CNPY1: variants seen among roughly 807,000 people sequenced by gnomAD.
The protein encoded by CNPY1 is canopy FGF signaling regulator 1.
CNPY1 carries 14 observed loss-of-function variants against 14.4 expected under a neutral mutation model. The ratio of observed to expected loss-of-function variants is 0.97; its 90% CI spans 0.64 to 1.52. CNPY1 has a LOEUF of 1.52. Among genes scored for constraint, CNPY1 ranks in the 40% most tolerant of loss-of-function variants. The pLI is 0.00. For synonymous variants in CNPY1, 43 were observed against 46.5 expected (o/e 0.92, Z 0.31); for missense variants, 129 against 131.5 (o/e 0.98, Z 0.09).
chr7:155,527,050 CTTTCTTTT>C (rs1796833630), intron 2 of CNPY1, among the ~76,000 whole-genome samples: 1 of 67,492 alleles, frequency 1.5e-5, no homozygotes, highest in Non-Finnish European at 2.9e-5. Context: ...TTCTTTCTTT[CTTTCTTTT>C]TTTTTTTTTT....
intron 2 of CNPY1, among the ~76,000 whole-genome samples, chr7:155,527,109 T>C (rs1389051465): frequency 7.0e-6 from 1 of 142,848 alleles, no homozygotes; most frequent in Admixed American, 7.3e-5. Context: ...TGGAGGGCAT[T>C]GGCATGATTT....
intron 2 of CNPY1, among the ~76,000 whole-genome samples, chr7:155,525,827 T>C (rs1284181201): frequency 1.3e-5 from 2 of 152,246 alleles, no homozygotes; most frequent in Non-Finnish European, 2.9e-5. Context: ...AAATACCCAG[T>C]AGGTGAACAG....
At chr7:155,526,156 T>A (rs1222627433) in intron 2 of CNPY1, among the ~76,000 whole-genome samples, 1 of 152,160 alleles carries the variant, frequency 6.6e-6, no homozygotes, top group African/African-American at 2.4e-5. Flanking sequence ...TGAGAGAATA[T>A]CTGATATCTT....
chr7:155,526,928 T>G (rs1796828730), intron 2 of CNPY1, among the ~76,000 whole-genome samples: 1 of 152,188 alleles, frequency 6.6e-6, no homozygotes, highest in Non-Finnish European at 1.5e-5. Flanking sequence ...GCAGCGTCAC[T>G]GTGTGGTGGC....
At chr7:155,519,567 A>AATG (rs1796680745) in intron 2 of CNPY1, among the ~76,000 whole-genome samples, 1 of 122,030 alleles carries the variant, frequency 8.2e-6, no homozygotes. Context: ...ATAAATAAGA[A>AATG]AGAAAGAAGA....
chr7:155,524,814 C>T (rs777903333), intron 2 of CNPY1, among the ~76,000 whole-genome samples: 1 of 113,696 alleles, frequency 8.8e-6, no homozygotes, highest in Non-Finnish European at 1.6e-5. Flanking sequence ...AAATTGTCAT[C>T]CATGAAACCG....
chr7:155,541,876 G>A (rs1797088244), intron 2 of CNPY1, among the ~76,000 whole-genome samples: 2 of 152,336 alleles, frequency 1.3e-5, no homozygotes, highest in South Asian at 4.1e-4. Context: ...CAGCCCTATA[G>A]AGGGGATGCT....
chr7:155,530,412 C>T (rs971540202), intron 2 of CNPY1, among the ~76,000 whole-genome samples: 5 of 150,332 alleles, frequency 3.3e-5, no homozygotes, highest in Non-Finnish European at 5.9e-5. Flanking sequence ...CAATCTTCCT[C>T]CCTCAGCCCC....
chr7:155,515,294 GCCCCC>G (rs57488569), intron 2 of CNPY1, among the ~76,000 whole-genome samples: 3 of 120,254 alleles, frequency 2.5e-5, no homozygotes, highest in African/African-American at 5.9e-5. Context: ...TCTCAAGGCC[GCCCCC>G]CCCCCCCCCG....
chr7:155,517,936 C>A (rs1411403613), intron 2 of CNPY1, among the ~76,000 whole-genome samples: 1 of 152,198 alleles, frequency 6.6e-6, no homozygotes, highest in Admixed American at 6.5e-5. Context: ...TCTTAAACAC[C>A]TTTAAAGTGG....
At chr7:155,509,748 C>A (rs532458578) in intron 2 of CNPY1, among the ~76,000 whole-genome samples, 3 of 152,310 alleles carry the variant, frequency 2.0e-5, no homozygotes, top group Non-Finnish European at 4.4e-5. Context: ...CCCAGGCGGG[C>A]TCCTCGGCTG....
At chr7:155,527,027 C>CTT (rs1271266721) in intron 2 of CNPY1, among the ~76,000 whole-genome samples, 4 of 64,140 alleles carry the variant, frequency 6.2e-5, no homozygotes, top group Non-Finnish European at 9.7e-5. Context: ...CTTTTCTTTT[C>CTT]TTTTTTCTTT....
intron 2 of CNPY1, chr7:155,518,296 AG>A (rs1404271984): frequency 6.3e-6 from 1 of 158,122 alleles, no homozygotes; most frequent in Non-Finnish European, 1.4e-5. Flanking sequence ...GAGGAGGAAG[AG>A]GAAGAGGGTG....
chr7:155,534,103 T>G (rs1310633045), intron 2 of CNPY1, among the ~76,000 whole-genome samples: 7 of 152,180 alleles, frequency 4.6e-5, no homozygotes, highest in African/African-American at 1.7e-4. Flanking sequence ...GTATGTGCAC[T>G]GCAGCGGGTT....
At chr7:155,511,513 T>C (rs531778925) in intron 2 of CNPY1, among the ~76,000 whole-genome samples, 26 of 152,312 alleles carry the variant, frequency 1.7e-4, no homozygotes, top group Non-Finnish European at 2.9e-4. Context: ...TACCAGTGGA[T>C]TGTTTTTATT....
At chr7:155,506,929 C>G (rs1049085668) in intron 4 of CNPY1, 91 bp downstream of exon 4, 22 of 819,126 alleles carry the variant, frequency 2.7e-5, no homozygotes, top group Non-Finnish European at 4.5e-5. Context: ...GCAGAGGCAG[C>G]GAGGCTCGGT....
intron 2 of CNPY1, among the ~76,000 whole-genome samples, chr7:155,535,798 A>G (rs977593549): frequency 1.3e-5 from 2 of 152,142 alleles, no homozygotes. Context: ...CATTGGATGC[A>G]TTCATCTGTG....
intron 2 of CNPY1, among the ~76,000 whole-genome samples, chr7:155,521,524 C>T (rs1373925002): frequency 6.6e-6 from 1 of 152,196 alleles, no homozygotes; most frequent in Non-Finnish European, 1.5e-5. Flanking sequence ...TCCCTGTCCT[C>T]CCAGCACTTG....
At chr7:155,515,312 C>G (rs1796600560) in intron 2 of CNPY1, among the ~76,000 whole-genome samples, 1 of 150,502 alleles carries the variant, frequency 6.6e-6, no homozygotes, top group Admixed American at 6.6e-5. Flanking sequence ...CCCCCCCGGC[C>G]CCGGCCAGGA....
Sources: allele counts gnomAD v4.1 joint callset (sites outside exome capture counted in the v4.1 genomes callset), GRCh38; gene constraint gnomAD v4.1.1; transcripts MANE v1.5; gene names NCBI Gene and HGNC (gene_info 2026-07-23, HGNC 2026-07-21).